Variants in MAP3K1 observed in about 807,000 individuals in gnomAD.
MAP3K1 encodes mitogen-activated protein kinase kinase kinase 1.
In MAP3K1, 36 loss-of-function variants were observed where a neutral mutation model predicts 144.2. The observed-to-expected ratio is 0.25, with a 90% CI of 0.19 to 0.33. The LOEUF is 0.33. MAP3K1 is among the 10% of genes least tolerant of loss of function. The pLI is 1.00. For synonymous variants in MAP3K1, 718 were observed against 688.7 expected (o/e 1.04, Z -0.67); for missense variants, 1,650 against 1,881.9 (o/e 0.88, Z 2.28).
In MAP3K1 at chr5:56,882,842, A is replaced by C; in HGVS notation, c.3642A>C (p.Glu1214Asp). The change falls in exon 14 of 20, where the codon GAA (glutamate) becomes GAC (aspartate). Residue 1214 changes from glutamate to aspartate, a missense_variant. Transcript: ENST00000399503. ...IVPQLQVENG[E>D]DIIIIQQDTP... ...CTCAGCTGCAGGTTGAAAATGGAGA[A>C]GATATCATCATTATTCAACAGGATG... 1.2e-6 allele frequency: 2 copies of C among 1,611,038 alleles called. No individual in the cohort carries two copies. Among genetic ancestry groups the C allele is most frequent in the Non-Finnish European group, 1.7e-6 (2 of 1,179,626 alleles).
rs1232763345 is a variant in MAP3K1, at chr5:56,872,939, C to T, written c.1620C>T (p.Asn540=). Reference sequence around the variant, plus strand: ...GAAGGAATCAAGAGAGCAATTTTAACCTTACTCATTATGGAACTCAGCAAA... The same window carrying T: ...GAAGGAATCAAGAGAGCAATTTTAATCTTACTCATTATGGAACTCAGCAAA... ...GSRRNQESNF[N]LTHYGTQQIP... The change falls in exon 9 of 20, where the codon AAC becomes AAT. Residue 540 remains asparagine (N), a synonymous_variant. Transcript: ENST00000399503. The T allele has an allele frequency of 6.8e-6, 11 of 1,613,956 alleles. No homozygotes were observed. The highest frequency in any genetic ancestry group is 8.5e-6 in the Non-Finnish European group (10 of 1,179,980).
intron 19 of MAP3K1, among the ~76,000 whole-genome samples, chr5:56,891,681 T>G (rs907690757): frequency 2.0e-5 from 3 of 152,220 alleles, no homozygotes; most frequent in Non-Finnish European, 4.4e-5. Flanking sequence ...GGTCTAACAT[T>G]TAAGTCTTTA....
chr5:56,881,567 C>A lies in MAP3K1; in HGVS notation c.2370-3C>A. The A allele has an allele frequency of 6.2e-7, 1 of 1,602,482 alleles. No homozygotes were observed. Among genetic ancestry groups the A allele is most frequent in the South Asian group, 1.1e-5 (1 of 90,814 alleles). ...TATGGTAATGAATGTTTTTTTCTTT[C>A]AGGTATAAGAAGCTGCTGTCCCTCT... is the stretch of plus-strand genomic sequence containing the variant. On this transcript the variant is annotated splice_region_variant and splice_polypyrimidine_tract_variant and intron_variant, in intron 13 of 19. Coordinates refer to ENST00000399503, the MANE Select transcript of MAP3K1 (RefSeq NM_005921.2).
chr5:56,849,378 T>C (rs1417457294), intron 1 of MAP3K1, among the ~76,000 whole-genome samples: 9 of 150,990 alleles, frequency 6.0e-5, no homozygotes, highest in Non-Finnish European at 3.0e-5. Flanking sequence ...AAAGAATCAA[T>C]CCTTTGTTGT....
Position 56,866,128 on chromosome 5 carries a change from G to A in MAP3K1, c.1301+151G>A, listed in dbSNP as rs1206374846. On this transcript the variant is annotated intron_variant, in intron 6 of 19. Transcript: ENST00000399503. ...AAAATCAAGGGTGAAGATACTAAAA[G>A]TTCGCTGGGCATGGTGGCTCGTGCC... is the stretch of plus-strand genomic sequence containing the variant. 5.2e-6 allele frequency: 4 copies of A among 768,800 alleles called. No individual in the cohort carries two copies. In the East Asian group the frequency reaches 1.1e-4, roughly 21 times the overall value. 47.6% of individuals were successfully genotyped at this position (768,800 alleles called of 1,614,324 possible). A position where few individuals can be genotyped will look rare whatever the true frequency, so the allele number is the denominator to read the frequency against.
intron 1 of MAP3K1, among the ~76,000 whole-genome samples, chr5:56,846,106 T>C (rs1364973683): frequency 2.0e-5 from 3 of 152,254 alleles, no homozygotes; most frequent in African/African-American, 7.2e-5. Context: ...TTTTGTTGTC[T>C]TAAATGGCAG....
At chr5:56,880,971 C>A in intron 12 of MAP3K1, 112 bp from the exon 13 acceptor site, 1 of 1,098,374 alleles carries the variant, frequency 9.1e-7, no homozygotes, top group Non-Finnish European at 1.3e-6. Context: ...GAGAGAAATT[C>A]TTTAAAATAG....
intron 1 of MAP3K1, among the ~76,000 whole-genome samples, chr5:56,828,063 T>C (rs1390600057): frequency 6.6e-6 from 1 of 152,180 alleles, no homozygotes; most frequent in African/African-American, 2.4e-5. Flanking sequence ...CTGTCTATGC[T>C]CACTACTTAA....
At chr5:56,846,565 T>C (rs1425434963) in intron 1 of MAP3K1, among the ~76,000 whole-genome samples, 2 of 152,256 alleles carry the variant, frequency 1.3e-5, no homozygotes, top group Admixed American at 1.3e-4. Context: ...ACTTGATTTG[T>C]CTTATCTCTT....
In MAP3K1 at chr5:56,881,835, G is replaced by T; in HGVS notation, c.2635G>T (p.Gly879Cys). Residue 879 changes from glycine (G) to cysteine (C), a missense_variant, in exon 14 of 20, where the codon GGT becomes TGT. This residue lies in a region of MAP3K1 where 841 missense variants were observed against 886.5 expected (regional missense o/e 0.95). Transcript: ENST00000399503. ...IQLGVEDTLD[G>C]QQDSFLQASV... ...GTTGGGCGTAGAAGACACTTTGGAT[G>T]GTCAACAGGACAGCTTCTTGCAGGC... 6.2e-7 allele frequency: 1 copy of T among 1,614,058 alleles called. No homozygotes were observed. The highest frequency in any genetic ancestry group is 1.1e-5 in the South Asian group (1 of 91,088).
chr5:56,825,457 C>G (rs1182691189), intron 1 of MAP3K1, among the ~76,000 whole-genome samples: 1 of 152,156 alleles, frequency 6.6e-6, no homozygotes, highest in Non-Finnish European at 1.5e-5. Context: ...CCTAAGACAT[C>G]TTGGCTTTTG....
intron 7 of MAP3K1, 82 bp from the exon 8 acceptor site, chr5:56,872,559 T>G: frequency 2.4e-6 from 2 of 830,148 alleles, no homozygotes; most frequent in South Asian, 1.6e-5. Flanking sequence ...CTATATAAAT[T>G]CTATAATTAT....
chr5:56,849,274 G>A (rs951961950), intron 1 of MAP3K1, among the ~76,000 whole-genome samples: 9 of 151,708 alleles, frequency 5.9e-5, no homozygotes, highest in African/African-American at 2.2e-4. Flanking sequence ...TGCTTGAATT[G>A]GGAAGTGGAG....
intron 1 of MAP3K1, among the ~76,000 whole-genome samples, chr5:56,849,983 C>T (rs1241684707): frequency 1.3e-5 from 2 of 152,216 alleles, no homozygotes; most frequent in Admixed American, 6.5e-5. Flanking sequence ...TAGTAAGAGC[C>T]GCGTCTCAAG....
chr5:56,826,183 TTTTG>T (rs1472753464), intron 1 of MAP3K1, among the ~76,000 whole-genome samples: 3 of 151,964 alleles, frequency 2.0e-5, no homozygotes, highest in East Asian at 1.9e-4. Flanking sequence ...CGTGGTGAGG[TTTTG>T]TTTGTTTTGT....
At chr5:56,878,359 G>A (rs1456272554) in intron 10 of MAP3K1, among the ~76,000 whole-genome samples, 1 of 152,000 alleles carries the variant, frequency 6.6e-6, no homozygotes, top group African/African-American at 2.4e-5. Context: ...TAGATGACGG[G>A]TCGATGGATG....
At chr5:56,848,537 A>T (rs540770536) in intron 1 of MAP3K1, among the ~76,000 whole-genome samples, 1 of 152,168 alleles carries the variant, frequency 6.6e-6, no homozygotes, top group Non-Finnish European at 1.5e-5. Context: ...GCCCTCAAAG[A>T]ATTTACCCTT....
chr5:56,881,851 T>A lies in MAP3K1; in HGVS notation c.2651T>A (p.Phe884Tyr), dbSNP rs747519874. The change falls in exon 14 of 20, where the codon TTC becomes TAC. Residue 884 changes from phenylalanine to tyrosine, a missense_variant. Coordinates refer to ENST00000399503, the MANE Select transcript of MAP3K1 (RefSeq NM_005921.2). ...ACTTTGGATGGTCAACAGGACAGCTTCTTGCAGGCATCTGTTCCCAACAAC... is the reference window on the plus strand; with the variant it reads ...ACTTTGGATGGTCAACAGGACAGCTACTTGCAGGCATCTGTTCCCAACAAC... ...EDTLDGQQDSFLQASVPNNYL... is the reference protein window; with the variant it reads ...EDTLDGQQDSYLQASVPNNYL... The A allele has an allele frequency of 6.2e-7, 1 of 1,614,084 alleles. No homozygotes were observed. Among genetic ancestry groups the A allele is most frequent in the Non-Finnish European group, 8.5e-7 (1 of 1,179,984 alleles).
rs558636736 is a variant in MAP3K1, at chr5:56,834,525, A to G, written c.482+18470A>G. The stretch of plus-strand genomic sequence containing the variant: ...TCAGGAGTTCGAGACCAGCCTGGCC[A>G]ACATGGTAAAACCCCGTCTGTACTG... On this transcript the variant is annotated intron_variant, in intron 1 of 19. Coordinates refer to ENST00000399503, the MANE Select transcript of MAP3K1 (RefSeq NM_005921.2). 3.3e-5 allele frequency among the ~76,000 whole-genome samples: 5 copies of G among 152,284 alleles called. No homozygotes were observed. The East Asian group carries it at 7.7e-4, about 24-fold the overall frequency.
Sources: allele counts gnomAD v4.1 joint callset (sites outside exome capture counted in the v4.1 genomes callset), GRCh38; gene constraint gnomAD v4.1.1; regional missense constraint gnomAD v4.1.1; transcripts MANE v1.5; gene names NCBI Gene and HGNC (gene_info 2026-07-23, HGNC 2026-07-21).